The following CCDC148 variants were observed in gnomAD, a reference collection of about 807,000 sequenced individuals.
CCDC148 encodes the protein coiled-coil domain containing 148, also known as coiled-coil domain-containing protein 148.
A neutral mutation model predicts 85.7 loss-of-function variants in CCDC148; 89 were observed. The ratio of observed to expected loss-of-function variants is 1.04; its 90% CI spans 0.87 to 1.24. The LOEUF (loss-of-function observed/expected upper bound fraction) is 1.24. Ranked by LOEUF, CCDC148 falls within the 50% of genes most tolerant of loss-of-function variation. CCDC148 has a pLI of 0.00. For synonymous variants in CCDC148, 230 were observed against 213.9 expected (o/e 1.08, Z -0.66); for missense variants, 692 against 671.7 (o/e 1.03, Z -0.33).
intron 1 of CCDC148, among the ~76,000 whole-genome samples, chr2:158,359,269 C>A (rs1489389133): frequency 1.3e-5 from 2 of 152,068 alleles, no homozygotes; most frequent in Admixed American, 6.5e-5. Context: ...ATGAATAATT[C>A]ATCTGTGTCA....
At position 158,224,626 on chromosome 2, in the gene CCDC148, AG is replaced by A. The variant is rs202075611; in HGVS notation, c.1252-3914del. On this transcript the variant is annotated intron_variant, in intron 10 of 13. Transcript: ENST00000283233. ...ATCTCCTGGCTGAAACTCTCAAGCC[AG>A]AAGAGAGTAGGGGCCAATATTCAAC... 1.5e-3 allele frequency among the ~76,000 whole-genome samples: 230 copies of A among 152,342 alleles called. 1 individual carries two copies. In the East Asian group the frequency reaches 0.019, roughly 12 times the overall value.
rs1470976032 is a variant in CCDC148, at chr2:158,334,165, G to T, written c.764+4561C>A. 3.3e-5 allele frequency among the ~76,000 whole-genome samples: 5 copies of T among 152,250 alleles called. No homozygotes were observed. The East Asian group carries it at 9.7e-4, about 29-fold the overall frequency. ...CCTCCTGGAGTTTTTAACTCTCAGA[G>T]TTGTCTACACTGAGCCTCTAGCAGT... On this transcript the variant is annotated intron_variant, in intron 7 of 13. Transcript: ENST00000283233.
At chr2:158,342,094 A>C (rs1231717328) in intron 3 of CCDC148, among the ~76,000 whole-genome samples, 1 of 126,414 alleles carries the variant, frequency 7.9e-6, no homozygotes, top group Non-Finnish European at 1.5e-5. Context: ...CAATGGCGTG[A>C]TCTCGACTCA....
At chr2:158,379,806 G>T (rs993901255) in intron 1 of CCDC148, among the ~76,000 whole-genome samples, 2 of 152,112 alleles carry the variant, frequency 1.3e-5, no homozygotes, top group Admixed American at 6.6e-5. Context: ...TAATGCTATT[G>T]CACATTTAAT....
chr2:158,307,156 T>C (rs62184077), intron 9 of CCDC148, among the ~76,000 whole-genome samples: 8,926 of 152,044 alleles, frequency 0.059, 358 homozygotes, highest in Non-Finnish European at 0.082. Context: ...AGACAAGTCA[T>C]TGATTGGGAG....
chr2:158,198,751 T>G (rs1292464923), intron 11 of CCDC148, among the ~76,000 whole-genome samples: 8 of 152,214 alleles, frequency 5.3e-5, no homozygotes, highest in African/African-American at 1.9e-4. Context: ...AACAGTGAAC[T>G]GAGTTTAAAT....
intron 11 of CCDC148, among the ~76,000 whole-genome samples, chr2:158,202,179 T>C (rs1686001295): frequency 6.6e-6 from 1 of 152,222 alleles, no homozygotes; most frequent in Admixed American, 6.5e-5. Flanking sequence ...CATTGTTCCA[T>C]ATGAATTTTT....
At chr2:158,244,076 T>C (rs1428628908) in intron 10 of CCDC148, among the ~76,000 whole-genome samples, 1 of 152,130 alleles carries the variant, frequency 6.6e-6, no homozygotes, top group Non-Finnish European at 1.5e-5. Flanking sequence ...ACCAGTCACG[T>C]TGTTAACATC....
chr2:158,434,746 G>A (rs920533972), intron 1 of CCDC148, among the ~76,000 whole-genome samples: 4 of 152,120 alleles, frequency 2.6e-5, no homozygotes, highest in African/African-American at 7.2e-5. Flanking sequence ...TGAGACGAAT[G>A]GCTAACTAGA....
chr2:158,361,067 G>A (rs1156560429), intron 1 of CCDC148, among the ~76,000 whole-genome samples: 6 of 151,426 alleles, frequency 4.0e-5, no homozygotes, highest in African/African-American at 7.3e-5. Context: ...GCAGAAGAAA[G>A]GATATCAGAG....
chr2:158,399,887 C>G (rs1038249225), intron 1 of CCDC148, among the ~76,000 whole-genome samples: 11 of 151,010 alleles, frequency 7.3e-5, no homozygotes, highest in Non-Finnish European at 1.5e-4. Flanking sequence ...CATCATATCA[C>G]AAGCATTCCT....
intron 1 of CCDC148, among the ~76,000 whole-genome samples, chr2:158,382,359 G>A (rs7597439): frequency 0.058 from 8,764 of 152,110 alleles, 479 homozygotes; most frequent in African/African-American, 0.14. Context: ...TTGGGAAAAG[G>A]GCTGAGAGGG....
chr2:158,433,244 A>G (rs1687455809), intron 1 of CCDC148, among the ~76,000 whole-genome samples: 1 of 142,126 alleles, frequency 7.0e-6, no homozygotes, highest in African/African-American at 2.5e-5. Flanking sequence ...GGGGCAACAG[A>G]GTAAGTCCTT....
At chr2:158,396,792 G>GACT (rs920529703) in intron 1 of CCDC148, among the ~76,000 whole-genome samples, 9 of 152,064 alleles carry the variant, frequency 5.9e-5, no homozygotes, top group Admixed American at 5.2e-4. Context: ...CAATGATGAT[G>GACT]ACTACTACTA....
At chr2:158,290,292 ACAAT>A (rs1203989393) in intron 9 of CCDC148, among the ~76,000 whole-genome samples, 1 of 152,218 alleles carries the variant, frequency 6.6e-6, no homozygotes, top group Non-Finnish European at 1.5e-5. Context: ...TTGTCAGTAT[ACAAT>A]CACATTTCAT....
chr2:158,308,739 C>T lies in CCDC148; in HGVS notation c.1110+694G>A, dbSNP rs140791887. ...CCATATCCACATCAGGCCTCCAGGA[C>T]TCATGCACTGTGACCCTCCTGTGGA... On this transcript the variant is annotated intron_variant, in intron 9 of 13. Transcript: ENST00000283233. Among the ~76,000 whole-genome samples, 359 of 152,348 alleles carry T rather than the reference C, an allele frequency of 2.4e-3. 1 individual carries two copies. Among genetic ancestry groups the T allele is most frequent in the African/African-American group, 8.2e-3 (339 of 41,574 alleles).
intron 1 of CCDC148, among the ~76,000 whole-genome samples, chr2:158,455,492 C>G (rs1298170306): frequency 6.6e-6 from 1 of 152,040 alleles, no homozygotes; most frequent in Non-Finnish European, 1.5e-5. Flanking sequence ...AGCATATCAC[C>G]CAACTTAAAA....
chr2:158,415,893 G>A (rs553609687), intron 1 of CCDC148, among the ~76,000 whole-genome samples: 3 of 152,298 alleles, frequency 2.0e-5, no homozygotes, highest in South Asian at 4.1e-4. Context: ...CTGTGTGGGG[G>A]CTCCATCTCC....
intron 9 of CCDC148, among the ~76,000 whole-genome samples, chr2:158,272,893 C>T (rs1455077136): frequency 6.6e-6 from 1 of 152,180 alleles, no homozygotes; most frequent in East Asian, 1.9e-4. Flanking sequence ...TATTAATTAG[C>T]ATGACTTAAT....
Sources: gnomAD v4.1 joint callset for allele counts (sites outside exome capture counted in the v4.1 genomes callset) on GRCh38, gnomAD v4.1.1 for gene constraint, MANE v1.5 for transcripts, NCBI Gene and HGNC (gene_info 2026-07-23, HGNC 2026-07-21) for gene names.